CALN1: variants seen among roughly 807,000 people sequenced by gnomAD.
CALN1 encodes calneuron 1, also known as calcium-binding protein 8.
Under a neutral mutation model 30.6 loss-of-function variants are expected in CALN1, and 17 were observed. That is an observed-to-expected ratio of 0.56 (90% CI 0.38 to 0.83). CALN1 has a LOEUF of 0.83. CALN1 is among the 40% of genes least tolerant of loss of function. The pLI is 0.00. For synonymous variants in CALN1, 156 were observed against 131.4 expected (o/e 1.19, Z -1.28); for missense variants, 291 against 354.9 (o/e 0.82, Z 1.45).
intron 2 of CALN1, among the ~76,000 whole-genome samples, chr7:72,396,278 C>T (rs1309253148): frequency 2.3e-5 from 2 of 85,252 alleles, no homozygotes; most frequent in Admixed American, 2.2e-4. Flanking sequence ...GAAAAATTAG[C>T]TGGGTTTGCT....
chr7:72,012,237 G>C (rs1201076013), intron 5 of CALN1, among the ~76,000 whole-genome samples: 1 of 152,140 alleles, frequency 6.6e-6, no homozygotes, highest in Non-Finnish European at 1.5e-5. Context: ...CTTTTAATCG[G>C]CCGGGCACGG....
At position 71,784,443 on chromosome 7, in the gene CALN1, T is replaced by C. The variant is rs148168725; in HGVS notation, c.*3332A>G. The C allele has an allele frequency of 9.3e-3, 1,703 of 182,568 alleles. 33 individuals carry two copies. The highest frequency in any genetic ancestry group is 0.034 in the African/African-American group (1,433 of 42,676). 11.3% of individuals were successfully genotyped at this position (182,568 alleles called of 1,614,324 possible). On this transcript the variant is annotated 3_prime_UTR_variant, in exon 7 of 7. Transcript: ENST00000395275. The stretch of plus-strand genomic sequence containing the variant: ...TGGTAATATCCCTCTTTTTTTTTTG[T>C]CAGATCAGTCACGTGGGACCCAAGC...
At chr7:72,012,238 C>T (rs1800121781) in intron 5 of CALN1, among the ~76,000 whole-genome samples, 2 of 152,162 alleles carry the variant, frequency 1.3e-5, no homozygotes, top group African/African-American at 4.8e-5. Context: ...TTTTAATCGG[C>T]CGGGCACGGT....
intron 5 of CALN1, among the ~76,000 whole-genome samples, chr7:71,977,067 T>G (rs1798136147): frequency 6.6e-6 from 1 of 152,208 alleles, no homozygotes. Flanking sequence ...TCTGTCTGCT[T>G]ATGAGTTGAC....
upstream of CALN1, among the ~76,000 whole-genome samples, chr7:72,417,334 A>C (rs1807455842): frequency 6.6e-6 from 1 of 152,182 alleles, no homozygotes; most frequent in Non-Finnish European, 1.5e-5. Context: ...CAAATGACAC[A>C]AAGATTAAGC....
At chr7:71,984,469 G>C (rs1463468882) in intron 5 of CALN1, among the ~76,000 whole-genome samples, 1 of 152,186 alleles carries the variant, frequency 6.6e-6, no homozygotes, top group Non-Finnish European at 1.5e-5. Flanking sequence ...TGTTATCCAG[G>C]TGAAGAATTT....
At chr7:72,453,291 T>C in the CALN1 span, among the ~76,000 whole-genome samples, 1 of 152,358 alleles carries the variant, frequency 6.6e-6, no homozygotes, top group Admixed American at 6.5e-5. Flanking sequence ...ATAGCAGGGC[T>C]ACCCCACAGT....
chr7:72,183,413 G>T (rs1337636446), intron 3 of CALN1, among the ~76,000 whole-genome samples: 1 of 152,072 alleles, frequency 6.6e-6, no homozygotes, highest in Admixed American at 6.6e-5. Context: ...AATTATGAGA[G>T]TCTAGAAGTA....
rs559089852 is a variant in CALN1, at chr7:71,796,567, C to T, written c.659-8665G>A. Among the ~76,000 whole-genome samples, 124 of 152,058 alleles carry T rather than the reference C, an allele frequency of 8.2e-4. No homozygotes were observed. In the Middle Eastern group the frequency reaches 0.01, roughly 13 times the overall value. The stretch of plus-strand genomic sequence containing the variant: ...GTAGAGATGGGTTCCACTACGTTGG[C>T]CAGGCTGATCTCGAACTACTGACCT... On this transcript the variant is annotated intron_variant, in intron 6 of 6. Coordinates refer to ENST00000395275, the MANE Select transcript of CALN1 (RefSeq NM_031468.4).
chr7:71,803,365 G>A (rs1787416774), intron 6 of CALN1, among the ~76,000 whole-genome samples: 1 of 152,154 alleles, frequency 6.6e-6, no homozygotes, highest in Non-Finnish European at 1.5e-5. Flanking sequence ...CCTCCTCCCT[G>A]CCTTCAAAAG....
intron 3 of CALN1, among the ~76,000 whole-genome samples, chr7:72,189,357 T>A (rs1189978117): frequency 6.6e-6 from 1 of 152,194 alleles, no homozygotes; most frequent in Non-Finnish European, 1.5e-5. Flanking sequence ...AGAAAAGAAT[T>A]TTGTTTCTCA....
At chr7:71,965,237 C>T (rs554931529) in intron 5 of CALN1, among the ~76,000 whole-genome samples, 3 of 152,198 alleles carry the variant, frequency 2.0e-5, no homozygotes, top group Non-Finnish European at 4.4e-5. Context: ...TGTTATGTTG[C>T]CCAGGCTGGT....
the CALN1 span, among the ~76,000 whole-genome samples, chr7:72,488,211 A>T: frequency 0.037 from 5,654 of 151,374 alleles, 145 homozygotes; most frequent in Middle Eastern, 0.058. Context: ...ACAAAAAAAA[A>T]TTTTTTTTAA....
chr7:72,024,519 C>T (rs1240058245), intron 4 of CALN1, among the ~76,000 whole-genome samples: 3 of 152,142 alleles, frequency 2.0e-5, no homozygotes, highest in Non-Finnish European at 1.5e-5. Context: ...ATGCCTCAGC[C>T]TCCAGAGTAG....
intron 3 of CALN1, 40 bp downstream of exon 3, chr7:72,278,645 TG>T (rs758651563): frequency 7.2e-5 from 115 of 1,591,466 alleles, no homozygotes; most frequent in Non-Finnish European, 9.4e-5. Context: ...AACACCTCCC[TG>T]GGAGGGGGGC....
intron 2 of CALN1, among the ~76,000 whole-genome samples, chr7:72,401,853 ACTTACCAAAATGTTTCTCTTACTCAATT>A (rs1430426695): frequency 1.3e-5 from 2 of 152,100 alleles, no homozygotes; most frequent in East Asian, 1.9e-4. Context: ...CCCTCCTAGG[ACTTACCAAAATGTTTCTCTTACTCAATT>A]CTTACCTCCT....
chr7:72,198,164 TAGAA>T (rs1243063325), intron 3 of CALN1, among the ~76,000 whole-genome samples: 1 of 152,204 alleles, frequency 6.6e-6, no homozygotes, highest in East Asian at 1.9e-4. Context: ...GCAACATGCT[TAGAA>T]GGAAGAGGAG....
intron 3 of CALN1, among the ~76,000 whole-genome samples, chr7:72,255,974 C>T (rs537939773): frequency 4.6e-5 from 7 of 152,020 alleles, no homozygotes; most frequent in Admixed American, 3.3e-4. Context: ...GTGATCCACC[C>T]GCCTCGGCCT....
intron 3 of CALN1, among the ~76,000 whole-genome samples, chr7:72,148,902 A>G (rs1263448401): frequency 1.3e-5 from 2 of 149,102 alleles, no homozygotes; most frequent in East Asian, 4.0e-4. Context: ...AGACACCACC[A>G]AAAACAAAAA....
Sources: allele counts gnomAD v4.1 joint callset (sites outside exome capture counted in the v4.1 genomes callset), GRCh38; gene constraint gnomAD v4.1.1; transcripts MANE v1.5; gene names NCBI Gene and HGNC (gene_info 2026-07-23, HGNC 2026-07-21).